The following SRPRA variants were observed in gnomAD, a reference collection of about 807,000 sequenced individuals.
SRPRA encodes SRP receptor subunit alpha, also known as signal recognition particle receptor subunit alpha.
In SRPRA, 30 loss-of-function variants were observed where a neutral mutation model predicts 61.1. That is an observed-to-expected ratio of 0.49 (90% CI 0.37 to 0.67). The LOEUF (loss-of-function observed/expected upper bound fraction) is 0.67. Ranked by LOEUF, SRPRA falls within the 30% of genes least tolerant of loss-of-function variation. SRPRA has a pLI of 0.00. For missense variants in SRPRA, 759 were observed against 828.4 expected, an observed-to-expected ratio of 0.92 and a Z score of 1.03; for synonymous variants, 324 against 299.7, an observed-to-expected ratio of 1.08 and a Z score of -0.84.
At chr11:126,261,917 G>A (rs898158379), downstream of SRPRA, among the ~76,000 whole-genome samples, 2 of 152,168 alleles carry the variant, frequency 1.3e-5, no homozygotes, top group Non-Finnish European at 2.9e-5. Context: ...AGCCCAGTGA[G>A]CTGATTGTGC....
rs1950752081 is a variant in SRPRA, at chr11:126,263,796, CCTCA to C, written c.*116_*119del. On this transcript the variant is annotated 3_prime_UTR_variant, in exon 14 of 14. Transcript: ENST00000332118. The stretch of plus-strand genomic sequence containing the variant: ...TGGGGTTGGAAGGAGCCACAAGCCC[CCTCA>C]CTCTGCCTTTGTACTACACTGAAGA... 1 of 1,405,486 alleles carries C rather than the reference CCTCA, an allele frequency of 7.1e-7. No individual in the cohort carries two copies. Among genetic ancestry groups the C allele is most frequent in the African/African-American group, 1.4e-5 (1 of 69,618 alleles). The allele number at this position is 1,405,486 out of a possible 1,614,324, so 87.1% of individuals were successfully genotyped here.
the SRPRA span, among the ~76,000 whole-genome samples, chr11:126,237,749 C>T: frequency 9.9e-5 from 14 of 140,812 alleles, no homozygotes; most frequent in Non-Finnish European, 2.0e-4. Flanking sequence ...CCCAGCTACT[C>T]GGGAGGCTGA....
the SRPRA span, chr11:126,250,614 C>T: frequency 6.2e-7 from 1 of 1,613,856 alleles, no homozygotes; most frequent in Non-Finnish European, 8.5e-7. The surrounding 1 kb of genome is among the most constrained non-coding windows in gnomAD (Gnocchi z 5.1). Flanking sequence ...TCAGTCAGTT[C>T]TCCACCTGAT....
the SRPRA span, chr11:126,250,499 T>C: frequency 1.2e-6 from 2 of 1,605,226 alleles, no homozygotes; most frequent in Non-Finnish European, 1.7e-6. This position sits in a 1 kb window ranked among gnomAD's most constrained non-coding sequence, Gnocchi z 5.1. Context: ...TTCAAATCCC[T>C]CCTCAGCGTA....
chr11:126,236,766 T>C, the SRPRA span, among the ~76,000 whole-genome samples: 165 of 151,946 alleles, frequency 1.1e-3, 1 homozygote, highest in East Asian at 0.024. Flanking sequence ...TTTATTTTTT[T>C]CCCCCCCATT....
chr11:126,240,873 G>A, the SRPRA span: 27 of 1,614,090 alleles, frequency 1.7e-5, no homozygotes, highest in African/African-American at 1.3e-4. Flanking sequence ...CTGCAGTTGC[G>A]CCCCAAGTTC....
downstream of SRPRA, among the ~76,000 whole-genome samples, chr11:126,259,419 G>T (rs1016147107): frequency 2.4e-4 from 36 of 147,804 alleles, no homozygotes; most frequent in Admixed American, 1.5e-3. Context: ...AGCAGTCGTT[G>T]TGGTACTTTT....
intron 6 of SRPRA, 31 bp from the exon 7 acceptor site, chr11:126,266,309 A>G (rs1240500603): frequency 1.2e-6 from 2 of 1,609,928 alleles, no homozygotes; most frequent in East Asian, 2.2e-5. Context: ...ATGTGGGGTC[A>G]GGAACACTAA....
the SRPRA span, chr11:126,250,755 C>G: frequency 2.6e-6 from 4 of 1,537,786 alleles, no homozygotes; most frequent in African/African-American, 4.1e-5. This position sits in a 1 kb window ranked among gnomAD's most constrained non-coding sequence, Gnocchi z 5.1. Flanking sequence ...AGCATTGGTC[C>G]CTTCTTCAGG....
chr11:126,254,266 G>A, the SRPRA span: 1 of 1,603,288 alleles, frequency 6.2e-7, no homozygotes, highest in East Asian at 2.2e-5. Context: ...CAGGTGCTCA[G>A]CCCTGCCAAG....
At chr11:126,260,890 C>G (rs1358816068), downstream of SRPRA, 1 of 153,514 alleles carries the variant, frequency 6.5e-6, no homozygotes, top group Non-Finnish European at 1.5e-5. Context: ...TGTCTAGTAT[C>G]ATAGTTAGGA....
the SRPRA span, among the ~76,000 whole-genome samples, chr11:126,243,074 A>T: frequency 6.6e-6 from 1 of 152,242 alleles, no homozygotes. Flanking sequence ...TGAACCTTGA[A>T]AACATTAAGT....
At position 126,268,728 on chromosome 11, in the gene SRPRA, G is replaced by A; in HGVS notation, c.77C>T (p.Thr26Ile). 3 of 1,613,888 alleles carry A rather than the reference G, an allele frequency of 1.9e-6. No homozygotes were observed. The highest frequency in any genetic ancestry group is 2.5e-6 in the Non-Finnish European group (3 of 1,180,024). Residue 26 changes from threonine to isoleucine, a missense_variant, in exon 1 of 14, where the codon ACC becomes ATC. Physicochemically the swap from Thr to Ile is moderately conservative, Grantham distance 89. Transcript: ENST00000332118. ...ACGAATCAACGCGTTAACGGGTCCG[G>A]TGCATGAGTCGCTAACGCCCTGGAA... ...WCFQGVSDSC[T>I]GPVNALIRSV... is the part of the protein sequence containing the mutation.
chr11:126,236,010 T>C, the SRPRA span, among the ~76,000 whole-genome samples: 1 of 152,214 alleles, frequency 6.6e-6, no homozygotes, highest in Non-Finnish European at 1.5e-5. Flanking sequence ...ATAAATCTCC[T>C]AGCTATACTG....
the SRPRA span, among the ~76,000 whole-genome samples, chr11:126,238,729 A>G: frequency 6.6e-6 from 1 of 152,164 alleles, no homozygotes; most frequent in East Asian, 1.9e-4. Flanking sequence ...TTTTAGCCCC[A>G]CCAGCCCCTC....
rs759469424 is a variant in SRPRA, at chr11:126,264,913, G to A, written c.1525+46C>T. The A allele has an allele frequency of 3.2e-6, 5 of 1,563,814 alleles. No homozygotes were observed. Among genetic ancestry groups the A allele is most frequent in the Admixed American group, 3.6e-5 (2 of 55,122 alleles). On this transcript the variant is annotated intron_variant, in intron 11 of 13. Coordinates refer to ENST00000332118, the MANE Select transcript of SRPRA (RefSeq NM_003139.4). This position sits in a 1 kb window ranked among gnomAD's most constrained non-coding sequence, Gnocchi z 5.0. ...TGCAAATTCCAAGAGAACCCAAGGAGAAAAAGGGACCCCAAATAAGCCCCC... is the reference window on the plus strand; with the variant it reads ...TGCAAATTCCAAGAGAACCCAAGGAAAAAAAGGGACCCCAAATAAGCCCCC...
chr11:126,256,607 T>A, the SRPRA span: 1 of 1,614,152 alleles, frequency 6.2e-7, no homozygotes, highest in East Asian at 2.2e-5. This position sits in a 1 kb window ranked among gnomAD's most constrained non-coding sequence, Gnocchi z 6.6. Context: ...TCATTTCTTT[T>A]CCTGGGCTGT....
downstream of SRPRA, chr11:126,261,608 A>G (rs1358075945): frequency 1.4e-6 from 1 of 715,538 alleles, no homozygotes; most frequent in Non-Finnish European, 2.4e-6. Flanking sequence ...AACACTGTAG[A>G]GAATGATTTT....
chr11:126,266,716 G>T (rs749388075), intron 5 of SRPRA, 47 bp downstream of exon 5: 6 of 1,610,072 alleles, frequency 3.7e-6, no homozygotes, highest in South Asian at 3.3e-5. Context: ...TGCACCCATT[G>T]TGTCTAGATA....
Sources: allele counts gnomAD v4.1 joint callset (sites outside exome capture counted in the v4.1 genomes callset), GRCh38; gene constraint gnomAD v4.1.1; non-coding constraint Gnocchi (gnomAD v3.1); transcripts MANE v1.5; gene names NCBI Gene and HGNC (gene_info 2026-07-23, HGNC 2026-07-21).